SGPP1: variants seen among roughly 807,000 people sequenced by gnomAD.
SGPP1 encodes the protein hSPP1.
A neutral mutation model predicts 33.0 loss-of-function variants in SGPP1; 21 were observed. That is an observed-to-expected ratio of 0.64 (90% CI 0.45 to 0.92). The LOEUF (loss-of-function observed/expected upper bound fraction) is 0.92, where lower values mean the gene tolerates loss of function less well. SGPP1 is among the 40% of genes least tolerant of loss of function. The pLI is 0.00. For synonymous variants in SGPP1, 239 were observed against 241.2 expected, an observed-to-expected ratio of 0.99 and a Z score of 0.08; for missense variants, 543 against 589.4, an observed-to-expected ratio of 0.92 and a Z score of 0.81.
At chr14:63,713,913 C>T (rs983771847) in intron 1 of SGPP1, among the ~76,000 whole-genome samples, 4 of 152,160 alleles carry the variant, frequency 2.6e-5, no homozygotes, top group Non-Finnish European at 5.9e-5. Flanking sequence ...TCAGAGTGGA[C>T]TAGATGGGAA....
chr14:63,695,711 T>A (rs1885174197), intron 2 of SGPP1, among the ~76,000 whole-genome samples: 4 of 152,084 alleles, frequency 2.6e-5, no homozygotes, highest in African/African-American at 9.7e-5. Flanking sequence ...AGGAGTTTGA[T>A]ATCAGCCTGG....
chr14:63,724,620 A>G (rs1361762421), intron 1 of SGPP1, among the ~76,000 whole-genome samples: 1 of 146,622 alleles, frequency 6.8e-6, no homozygotes, highest in Non-Finnish European at 1.5e-5. Flanking sequence ...GATCTTTAAA[A>G]AAAAAAAAAA....
intron 1 of SGPP1, among the ~76,000 whole-genome samples, chr14:63,700,087 C>T (rs375800943): frequency 1.2e-3 from 177 of 152,076 alleles, no homozygotes; most frequent in South Asian, 2.7e-3. Flanking sequence ...CTCAGCCTCC[C>T]GAGCAGCTAG....
chr14:63,710,855 G>A (rs1183605587), intron 1 of SGPP1, among the ~76,000 whole-genome samples: 3 of 152,136 alleles, frequency 2.0e-5, no homozygotes, highest in Non-Finnish European at 4.4e-5. Context: ...TTCTTCAGTT[G>A]TAGGACCATG....
At position 63,721,915 on chromosome 14, in the gene SGPP1, G is replaced by C. The variant is rs146804176; in HGVS notation, c.684+5346C>G. 6.2e-3 allele frequency among the ~76,000 whole-genome samples: 947 copies of C among 151,996 alleles called. 31 individuals are homozygous for C. The highest frequency in any genetic ancestry group is 0.058 in the Admixed American group (876 of 15,234). On this transcript the variant is annotated intron_variant, in intron 1 of 2. Transcript: ENST00000247225. Reference sequence around the variant, plus strand: ...ACACAAACACAAATTATCTTCTCAAGGTATATAAAAGCTATTCTCATATTT... The same window carrying C: ...ACACAAACACAAATTATCTTCTCAACGTATATAAAAGCTATTCTCATATTT...
At chr14:63,714,251 G>A (rs1215986609) in intron 1 of SGPP1, among the ~76,000 whole-genome samples, 1 of 152,136 alleles carries the variant, frequency 6.6e-6, no homozygotes, top group Non-Finnish European at 1.5e-5. Context: ...GACTCTTTGG[G>A]TGACTGCACA....
Position 63,685,278 on chromosome 14 carries a change from A to T in SGPP1, c.*827T>A, listed in dbSNP as rs1431173864. On this transcript the variant is annotated 3_prime_UTR_variant, in exon 3 of 3. Coordinates refer to ENST00000247225, the MANE Select transcript of SGPP1 (RefSeq NM_030791.4). ...CATTTTTTAAAATATTTGCTTGATT[A>T]TATGTAACTTAAGATAAAGTTAATG... The T allele has an allele frequency of 6.6e-6, 1 of 152,492 alleles. No individual in the cohort carries two copies. The highest frequency in any genetic ancestry group is 2.4e-5 in the African/African-American group (1 of 41,454). The allele number at this position is 152,492 out of a possible 1,614,324, so 9.4% of individuals were successfully genotyped here.
At chr14:63,691,165 A>T (rs563244921) in intron 2 of SGPP1, among the ~76,000 whole-genome samples, 5 of 152,238 alleles carry the variant, frequency 3.3e-5, no homozygotes, top group Non-Finnish European at 7.3e-5. Context: ...CAGGTCAAGG[A>T]AAGATATTAC....
intron 1 of SGPP1, among the ~76,000 whole-genome samples, chr14:63,719,735 CTCTA>C (rs1460241520): frequency 1.4e-5 from 2 of 141,402 alleles, no homozygotes; most frequent in African/African-American, 6.2e-5. Flanking sequence ...CCCTCTCTCT[CTCTA>C]TATATATATA....
At chr14:63,693,376 C>CA (rs1256109276) in intron 2 of SGPP1, among the ~76,000 whole-genome samples, 1 of 152,170 alleles carries the variant, frequency 6.6e-6, no homozygotes. Flanking sequence ...ATTTTGGCTA[C>CA]AAAAATAAAA....
chr14:63,722,776 A>G (rs1885799722), intron 1 of SGPP1, among the ~76,000 whole-genome samples: 1 of 151,682 alleles, frequency 6.6e-6, no homozygotes, highest in Admixed American at 6.6e-5. Flanking sequence ...GACCAGCCTA[A>G]GCAACATGGC....
intron 1 of SGPP1, among the ~76,000 whole-genome samples, chr14:63,711,019 T>C (rs943417951): frequency 4.6e-5 from 7 of 151,120 alleles, no homozygotes; most frequent in South Asian, 2.1e-4. Context: ...TTCTTTCTTT[T>C]TTTTTTTTTT....
intron 1 of SGPP1, among the ~76,000 whole-genome samples, chr14:63,711,574 C>A (rs1885524655): frequency 2.0e-5 from 3 of 152,166 alleles, no homozygotes; most frequent in African/African-American, 7.2e-5. Flanking sequence ...ATTCACTCTT[C>A]TTTGGGGGAG....
intron 1 of SGPP1, among the ~76,000 whole-genome samples, chr14:63,715,463 T>C (rs1212128959): frequency 6.6e-6 from 1 of 152,218 alleles, no homozygotes; most frequent in Non-Finnish European, 1.5e-5. Context: ...TGTTGTGTGT[T>C]TGTATGTTGT....
chr14:63,706,388 C>G (rs1214704235), intron 1 of SGPP1, among the ~76,000 whole-genome samples: 1 of 151,958 alleles, frequency 6.6e-6, no homozygotes, highest in African/African-American at 2.4e-5. Flanking sequence ...TGTACTAGAG[C>G]TGAATTATTC....
At chr14:63,714,171 A>T (rs1346102353) in intron 1 of SGPP1, among the ~76,000 whole-genome samples, 1 of 152,228 alleles carries the variant, frequency 6.6e-6, no homozygotes, top group Non-Finnish European at 1.5e-5. Context: ...CACAAGGTAA[A>T]AATGTAGAAA....
intron 2 of SGPP1, among the ~76,000 whole-genome samples, chr14:63,688,866 C>T (rs1885036842): frequency 6.6e-6 from 1 of 151,962 alleles, no homozygotes; most frequent in Non-Finnish European, 1.5e-5. Flanking sequence ...GGACTACAGG[C>T]GCCCGCCACC....
At chr14:63,709,289 G>A (rs1002779427) in intron 1 of SGPP1, among the ~76,000 whole-genome samples, 1 of 151,336 alleles carries the variant, frequency 6.6e-6, no homozygotes, top group East Asian at 1.9e-4. Flanking sequence ...CAGGAGAATC[G>A]CTTGAACCCA....
At chr14:63,722,630 GAA>G (rs1885796687) in intron 1 of SGPP1, among the ~76,000 whole-genome samples, 1 of 151,682 alleles carries the variant, frequency 6.6e-6, no homozygotes, top group Non-Finnish European at 1.5e-5. Context: ...CACACAAAAT[GAA>G]AGACTAGTTG....
Sources: allele counts gnomAD v4.1 joint callset (sites outside exome capture counted in the v4.1 genomes callset), GRCh38; gene constraint gnomAD v4.1.1; transcripts MANE v1.5; gene names NCBI Gene and HGNC (gene_info 2026-07-23, HGNC 2026-07-21).